SLC22A12: variants seen among roughly 807,000 people sequenced by gnomAD.
SLC22A12 encodes the protein organic anion transporter 4-like protein.
SLC22A12 carries 56 observed loss-of-function variants against 52.7 expected under a neutral mutation model. The ratio of observed to expected loss-of-function variants is 1.06; its 90% CI spans 0.86 to 1.33. The LOEUF is 1.33. SLC22A12 is among the 40% of genes most tolerant of loss of function. SLC22A12 has a pLI of 0.00. For synonymous variants in SLC22A12, 337 were observed against 324.6 expected (o/e 1.04, Z -0.41); for missense variants, 683 against 741.5 (o/e 0.92, Z 0.92).
At position 64,601,525 on chromosome 11, in the gene SLC22A12, TCTGTC is replaced by T. The variant is rs2039455745; in HGVS notation, c.1639_1643del (p.Val547LysfsTer57). ...GGCAACACATGGCACGCTGGGGAAC[TCTGTC>T]CTAAAATCCACACAGTTTTAGCCTC... On this transcript the variant is annotated frameshift_variant, in exon 10 of 10. Transcript: ENST00000377574. LOFTEE classifies it high-confidence loss of function. The T allele has an allele frequency of 5.0e-6, 8 of 1,613,552 alleles. No homozygotes were observed. In the East Asian group the frequency reaches 1.8e-4, roughly 36 times the overall value.
intron 6 of SLC22A12, among the ~76,000 whole-genome samples, chr11:64,599,124 C>G (rs2039354777): frequency 6.6e-6 from 1 of 152,142 alleles, no homozygotes; most frequent in Non-Finnish European, 1.5e-5. Context: ...AGGGGCAAGG[C>G]AGATAAAAGA....
chr11:64,592,582 G>A (rs2038954405), intron 1 of SLC22A12, among the ~76,000 whole-genome samples, 197 bp from the exon 2 acceptor site: 1 of 152,116 alleles, frequency 6.6e-6, no homozygotes, highest in Non-Finnish European at 1.5e-5. Context: ...GGCAGAGGGT[G>A]GCAGGATATA....
chr11:64,592,959 C>T (rs1338483863), intron 2 of SLC22A12, 77 bp downstream of exon 2: 3 of 1,353,528 alleles, frequency 2.2e-6, no homozygotes, highest in Admixed American at 1.7e-5. Context: ...CGACTGGCCC[C>T]AAACCAGCCT....
chr11:64,593,577 C>T lies in SLC22A12; in HGVS notation c.661+18C>T, dbSNP rs201262657. 1.4e-4 allele frequency: 228 copies of T among 1,614,098 alleles called. 1 individual carries two copies. In the African/African-American group the frequency reaches 2.3e-3, roughly 16 times the overall value. On this transcript the variant is annotated intron_variant, in intron 3 of 9. Transcript: ENST00000377574. ...CACTCTCCGTAGGTCTCTGACCTGGCGCCATGCAGGGGGGCTCCATGCAGG... is the reference window on the plus strand; with the variant it reads ...CACTCTCCGTAGGTCTCTGACCTGGTGCCATGCAGGGGGGCTCCATGCAGG...
intron 4 of SLC22A12, among the ~76,000 whole-genome samples, chr11:64,594,856 T>C (rs2039050297): frequency 7.2e-6 from 1 of 138,850 alleles, no homozygotes; most frequent in Non-Finnish European, 1.6e-5. Context: ...ACAGATGGAA[T>C]GGATGGATGG....
chr11:64,596,726 C>T (rs2039258715), intron 4 of SLC22A12, among the ~76,000 whole-genome samples: 2 of 152,156 alleles, frequency 1.3e-5, no homozygotes, highest in African/African-American at 4.8e-5. Context: ...CACAAGGAGG[C>T]AATCGTGTCC....
Position 64,593,529 on chromosome 11 carries a change from G to A in SLC22A12, c.631G>A (p.Ala211Thr), listed in dbSNP as rs1255963391. The change falls in exon 3 of 10, where the codon GCA becomes ACA. Residue 211 changes from alanine to threonine, a missense_variant. Physicochemically the swap from Ala to Thr is moderately conservative, Grantham distance 58 (BLOSUM62 0). Transcript: ENST00000377574. The part of the protein sequence containing the change: ...LFRFLLAFAV[A>T]GVMMNTGTLL... ...CCGCTTCCTGTTGGCCTTTGCCGTG[G>A]CAGGCGTCATGATGAACACGGGCAC... 6.2e-7 allele frequency: 1 copy of A among 1,614,178 alleles called. No individual in the cohort carries two copies. Among genetic ancestry groups the A allele is most frequent in the South Asian group, 1.1e-5 (1 of 91,090 alleles).
chr11:64,591,964 G>T lies in SLC22A12; in HGVS notation c.402+6G>T. The T allele has an allele frequency of 1.2e-6, 2 of 1,609,360 alleles. No individual in the cohort carries two copies. The highest frequency in any genetic ancestry group is 1.1e-5 in the South Asian group (1 of 91,010). Reference sequence around the variant, plus strand: ...CCTCCACAATCGTGGCCAAGGTAGGGCCTCCCCCAGAGCCACTCGAGTCCC... The same window carrying T: ...CCTCCACAATCGTGGCCAAGGTAGGTCCTCCCCCAGAGCCACTCGAGTCCC... On this transcript the variant is annotated splice_donor_region_variant and intron_variant, in intron 1 of 9. Transcript: ENST00000377574.
chr11:64,591,871 C>G lies in SLC22A12; in HGVS notation c.315C>G (p.Ala105=). 1 of 1,612,684 alleles carries G rather than the reference C, an allele frequency of 6.2e-7. No homozygotes were observed. Among genetic ancestry groups the G allele is most frequent in the East Asian group, 2.2e-5 (1 of 44,878 alleles). ...QWQLLDPNAT[A]TSWSEADTEP... is the part of the protein sequence containing the mutation. ...AGCTCTTGGACCCCAATGCCACGGC[C>G]ACCAGCTGGAGCGAGGCCGACACGG... Residue 105 remains alanine (A), a synonymous_variant, in exon 1 of 10, where the codon GCC becomes GCG. Coordinates refer to ENST00000377574, the MANE Select transcript of SLC22A12 (RefSeq NM_144585.4).
intron 4 of SLC22A12, among the ~76,000 whole-genome samples, chr11:64,596,788 G>C (rs535165530): frequency 2.0e-5 from 3 of 152,316 alleles, no homozygotes; most frequent in Non-Finnish European, 4.4e-5. Context: ...AGAGGGTAGA[G>C]AGTGGAAGGT....
At chr11:64,596,261 T>TGGAATGGATGGATGGATGGGATGGAC (rs1554987896) in intron 4 of SLC22A12, among the ~76,000 whole-genome samples, 1 of 91,278 alleles carries the variant, frequency 1.1e-5, no homozygotes, top group African/African-American at 4.3e-5. Context: ...GATGGATGGA[T>TGGAATGGATGGATGGATGGGATGGAC]GGATGGATGG....
rs1330640462 is a variant in SLC22A12 at position 64,591,836 on chromosome 11, C to T, written c.280C>T (p.Pro94Ser). ...CCACCAGTGCCGCCGCTTCCGCCAG[C>T]CACAGTGGCAGCTCTTGGACCCCAA... Reference protein sequence around the residue: ...RPHQCRRFRQPQWQLLDPNAT... With the variant: ...RPHQCRRFRQSQWQLLDPNAT... Residue 94 changes from proline (P) to serine (S), a missense_variant, in exon 1 of 10, where the codon CCA becomes TCA. By Grantham distance (74) the Pro-to-Ser change is moderately conservative (BLOSUM62 -1). Coordinates refer to ENST00000377574, the MANE Select transcript of SLC22A12 (RefSeq NM_144585.4). 2.5e-6 allele frequency: 4 copies of T among 1,612,682 alleles called. No homozygotes were observed. The highest frequency in any genetic ancestry group is 3.4e-6 in the Non-Finnish European group (4 of 1,180,020).
chr11:64,595,591 G>T (rs111068643), intron 4 of SLC22A12, among the ~76,000 whole-genome samples: 25,172 of 131,974 alleles, frequency 0.19, 5,004 homozygotes, highest in African/African-American at 0.5. Context: ...AATGGAAGGA[G>T]GGATGGATGG....
chr11:64,595,392 T>C (rs201823231), intron 4 of SLC22A12, among the ~76,000 whole-genome samples: 843 of 58,140 alleles, frequency 0.014, 7 homozygotes, highest in Middle Eastern at 0.034. Context: ...GATGGATGGA[T>C]GGACGGACGG....
Position 64,598,655 on chromosome 11 carries a change from C to T in SLC22A12, c.954+16C>T, listed in dbSNP as rs1382043599. On this transcript the variant is annotated intron_variant, in intron 5 of 9. Transcript: ENST00000377574. ...GACCCCTGAGGTAAGGCTGGGTCCT[C>T]CTCAAACCCGGACCCTCAGACCCTC... 1 of 1,608,114 alleles carries T rather than the reference C, an allele frequency of 6.2e-7. No individual in the cohort carries two copies. Among genetic ancestry groups the T allele is most frequent in the Non-Finnish European group, 8.5e-7 (1 of 1,177,832 alleles).
intron 4 of SLC22A12, among the ~76,000 whole-genome samples, chr11:64,596,368 A>C (rs2039242921): frequency 8.1e-6 from 1 of 123,124 alleles, no homozygotes; most frequent in South Asian, 2.6e-4. Context: ...GGATGGATGG[A>C]TGGATGGAAT....
intron 9 of SLC22A12, 91 bp from the exon 10 acceptor site, chr11:64,601,397 G>A: frequency 2.3e-6 from 3 of 1,323,316 alleles, no homozygotes; most frequent in Non-Finnish European, 3.2e-6. Flanking sequence ...GCAGGGTGGT[G>A]GCATTCCCTG....
rs369459384 is a variant in SLC22A12, at chr11:64,591,666, T to C, written c.110T>C (p.Leu37Pro). The part of the protein sequence containing the change: ...SIMWLCTQSM[L>P]ENFSAAVPSH... ...ATGTGGCTGTGTACCCAGAGCATGC[T>C]GGAGAACTTCTCGGCCGCCGTGCCC... Residue 37 changes from leucine to proline, a missense_variant, in exon 1 of 10, where the codon CTG becomes CCG. Transcript: ENST00000377574. 1.4e-5 allele frequency: 22 copies of C among 1,612,896 alleles called. No homozygotes were observed. The highest frequency in any genetic ancestry group is 1.8e-5 in the Non-Finnish European group (21 of 1,180,020).
Position 64,593,640 on chromosome 11 carries a change from G to A in SLC22A12, c.667G>A (p.Glu223Lys). 6.2e-7 allele frequency: 1 copy of A among 1,614,202 alleles called. No homozygotes were observed. Among genetic ancestry groups the A allele is most frequent in the South Asian group, 1.1e-5 (1 of 91,092 alleles). ...VMMNTGTLLM[E>K]WTAARARPLV... Reference sequence around the variant, plus strand: ...ACCACTCGGTCTCCTTGCAGTGATGGAGTGGACGGCGGCACGGGCCCGACC... The same window carrying A: ...ACCACTCGGTCTCCTTGCAGTGATGAAGTGGACGGCGGCACGGGCCCGACC... The change falls in exon 4 of 10, where the codon GAG becomes AAG. Residue 223 changes from glutamate to lysine, a missense_variant. Coordinates refer to ENST00000377574, the MANE Select transcript of SLC22A12 (RefSeq NM_144585.4).
Sources: gnomAD v4.1 joint callset for allele counts (sites outside exome capture counted in the v4.1 genomes callset) on GRCh38, gnomAD v4.1.1 for gene constraint, MANE v1.5 for transcripts, NCBI Gene and HGNC (gene_info 2026-07-23, HGNC 2026-07-21) for gene names.